Variants in SLC9A9 observed in about 807,000 individuals in gnomAD.
SLC9A9 encodes the protein sodium/hydrogen exchanger 9.
In SLC9A9, 62 loss-of-function variants were observed where a neutral mutation model predicts 77.8. That is an observed-to-expected ratio of 0.80 (90% confidence interval 0.65 to 0.98). The LOEUF is 0.98. Among genes scored for constraint, SLC9A9 ranks in the 50% least tolerant of loss-of-function variants. The pLI is 0.00. For synonymous variants in SLC9A9, 320 were observed against 283.5 expected, an observed-to-expected ratio of 1.13 and a Z score of -1.29; for missense variants, 775 against 774.9, an observed-to-expected ratio of 1.00 and a Z score of 0.00.
At chr3:143,817,591 GT>G (rs1559812459) in intron 2 of SLC9A9, among the ~76,000 whole-genome samples, 2 of 151,886 alleles carry the variant, frequency 1.3e-5, no homozygotes, top group Non-Finnish European at 2.9e-5. Flanking sequence ...TCTTACTTAA[GT>G]CTCTAATCCA....
intron 8 of SLC9A9, among the ~76,000 whole-genome samples, chr3:143,572,448 A>G (rs2037280427): frequency 6.6e-6 from 1 of 152,178 alleles, no homozygotes; most frequent in African/African-American, 2.4e-5. Context: ...ATCATTTTAT[A>G]AGTTAAACTT....
rs150626054 is a variant in SLC9A9, at chr3:143,330,230, T to C, written c.1604+33254A>G. Among the ~76,000 whole-genome samples, 539 of 152,284 alleles carry C rather than the reference T, an allele frequency of 3.5e-3. 4 individuals are homozygous for C. The highest frequency in any genetic ancestry group is 0.012 in the African/African-American group (516 of 41,550). On this transcript the variant is annotated intron_variant, in intron 14 of 15. Transcript: ENST00000316549. ...GAGTAGAAGGGTAAATCTTTATATA[T>C]TGGAAGCCAAGGCATTTCTGAATGG...
chr3:143,529,992 G>A (rs2036476946), intron 9 of SLC9A9, among the ~76,000 whole-genome samples: 1 of 152,098 alleles, frequency 6.6e-6, no homozygotes. Context: ...TCTAACCCGT[G>A]CACCACCTGT....
At chr3:143,703,057 A>G (rs187997533) in intron 4 of SLC9A9, among the ~76,000 whole-genome samples, 7 of 132,418 alleles carry the variant, frequency 5.3e-5, no homozygotes, top group Admixed American at 3.7e-4. Context: ...ACACTGAAGT[A>G]CCCAGATATA....
intron 4 of SLC9A9, among the ~76,000 whole-genome samples, chr3:143,744,279 C>T (rs1160154880): frequency 6.6e-6 from 1 of 152,176 alleles, no homozygotes; most frequent in Non-Finnish European, 1.5e-5. Flanking sequence ...CTGGTGGAAA[C>T]CGCTGATACC....
chr3:143,474,016 G>C (rs982304601), intron 11 of SLC9A9, among the ~76,000 whole-genome samples: 8 of 152,156 alleles, frequency 5.3e-5, no homozygotes, highest in Admixed American at 3.3e-4. Context: ...ATATGTGAGG[G>C]GAGGGATGTT....
chr3:143,709,278 T>C (rs115502101), intron 4 of SLC9A9, among the ~76,000 whole-genome samples: 31 of 152,262 alleles, frequency 2.0e-4, no homozygotes, highest in African/African-American at 7.5e-4. Context: ...CTCTGTAAGT[T>C]GGACCCAGGC....
chr3:143,727,258 C>G (rs1934678218), intron 4 of SLC9A9, among the ~76,000 whole-genome samples: 1 of 152,048 alleles, frequency 6.6e-6, no homozygotes, highest in South Asian at 2.1e-4. Flanking sequence ...CTTTTTATTT[C>G]TAATCAAAGT....
intron 12 of SLC9A9, among the ~76,000 whole-genome samples, chr3:143,439,560 A>T (rs1424737314): frequency 6.6e-6 from 1 of 152,226 alleles, no homozygotes; most frequent in African/African-American, 2.4e-5. Context: ...CTTTGGGAGC[A>T]AAGACCTGGA....
rs576913778 is a variant in SLC9A9, at chr3:143,659,878, C to A, written c.650-7518G>T. On this transcript the variant is annotated intron_variant, in intron 5 of 15. Transcript: ENST00000316549. The stretch of plus-strand genomic sequence containing the variant: ...GGGACCCTGTGGGAGGTAATTAAAT[C>A]ATGAGGAGCTGGTCTTTCCTGTGCT... Among the ~76,000 whole-genome samples the A allele has an allele frequency of 3.9e-3, 587 of 152,314 alleles. 3 individuals are homozygous for A. The highest frequency in any genetic ancestry group is 0.013 in the African/African-American group (559 of 41,572).
rs370082267 is a variant in SLC9A9 at position 143,831,213 on chromosome 3, GA to G, written c.378+805del. ...GTCAGAAAATTCTCAGCTCTGACCT[GA>G]AAAAAAATCTCAAATAAGTGATGTG... is the stretch of plus-strand genomic sequence containing the variant. On this transcript the variant is annotated intron_variant, in intron 2 of 15. Transcript: ENST00000316549. Among the ~76,000 whole-genome samples the G allele has an allele frequency of 6.1e-3, 926 of 151,918 alleles. 12 individuals carry two copies. Among genetic ancestry groups the G allele is most frequent in the African/African-American group, 0.021 (851 of 41,430 alleles).
chr3:143,446,328 G>A (rs991408783), intron 12 of SLC9A9, among the ~76,000 whole-genome samples: 10 of 152,046 alleles, frequency 6.6e-5, no homozygotes, highest in Non-Finnish European at 1.5e-5. Context: ...TGGGGACCTC[G>A]TGGAAGTTAT....
intron 12 of SLC9A9, among the ~76,000 whole-genome samples, chr3:143,411,019 C>G (rs2034086226): frequency 6.6e-6 from 1 of 152,152 alleles, no homozygotes; most frequent in South Asian, 2.1e-4. Flanking sequence ...TCTAATATAA[C>G]TCTTTTGTCC....
intron 14 of SLC9A9, among the ~76,000 whole-genome samples, chr3:143,283,537 G>C (rs1938287229): frequency 6.6e-6 from 1 of 152,166 alleles, no homozygotes; most frequent in Non-Finnish European, 1.5e-5. Flanking sequence ...CAGATAACTG[G>C]CTCCTCAGGC....
intron 2 of SLC9A9, among the ~76,000 whole-genome samples, chr3:143,811,051 C>T (rs961963881): frequency 1.2e-4 from 19 of 152,160 alleles, no homozygotes; most frequent in Admixed American, 5.2e-4. Flanking sequence ...GAACCATGCT[C>T]TCCTGCCTCC....
At chr3:143,611,538 C>T (rs1279724406) in intron 6 of SLC9A9, among the ~76,000 whole-genome samples, 1 of 152,042 alleles carries the variant, frequency 6.6e-6, no homozygotes, top group Admixed American at 6.6e-5. Flanking sequence ...AAAGATAAAT[C>T]ACAAATGCAG....
At chr3:143,477,330 A>ATATTT (rs772684824) in intron 11 of SLC9A9, among the ~76,000 whole-genome samples, 1 of 100,014 alleles carries the variant, frequency 1.0e-5, no homozygotes, top group East Asian at 2.8e-4. Flanking sequence ...GGCTTCTTCA[A>ATATTT]TTTTTTTTTT....
At chr3:143,703,886 T>C (rs894864885) in intron 4 of SLC9A9, among the ~76,000 whole-genome samples, 2 of 152,124 alleles carry the variant, frequency 1.3e-5, no homozygotes, top group African/African-American at 4.8e-5. Context: ...ACATTACAAC[T>C]GATACCACTG....
At chr3:143,662,863 C>T (rs931230186) in intron 5 of SLC9A9, among the ~76,000 whole-genome samples, 15 of 152,112 alleles carry the variant, frequency 9.9e-5, no homozygotes, top group Non-Finnish European at 1.5e-4. Context: ...GTAGACTCCA[C>T]CTCTGGGGGC....
Sources: allele counts gnomAD v4.1 joint callset (sites outside exome capture counted in the v4.1 genomes callset), GRCh38; gene constraint gnomAD v4.1.1; transcripts MANE v1.5; gene names NCBI Gene and HGNC (gene_info 2026-07-23, HGNC 2026-07-21).